DENND2A: variants seen among roughly 807,000 people sequenced by gnomAD.
DENND2A encodes the protein DENN domain-containing protein 2A.
Under a neutral mutation model 105.3 loss-of-function variants are expected in DENND2A, and 53 were observed. The ratio of observed to expected loss-of-function variants is 0.50; its 90% CI spans 0.40 to 0.63. DENND2A has a LOEUF of 0.63. Ranked by LOEUF, DENND2A falls within the 30% of genes least tolerant of loss-of-function variation. The pLI is 0.00. For missense variants in DENND2A, 1,138 were observed against 1,279.6 expected (o/e 0.89, Z 1.69); for synonymous variants, 522 against 508.4 (o/e 1.03, Z -0.36).
chr7:140,569,793 G>GTGAGGGAAGCCCAGCTGC, intron 6 of DENND2A, 55 bp from the exon 7 acceptor site: 1 of 1,299,144 alleles, frequency 7.7e-7, no homozygotes. Context: ...CTCTGTGGCA[G>GTGAGGGAAGCCCAGCTGC]CTGGGCTTCC....
Position 140,577,753 on chromosome 7 carries a change from C to T in DENND2A, c.1246-3745G>A, listed in dbSNP as rs535746119. On this transcript the variant is annotated intron_variant, in intron 5 of 19. Coordinates refer to ENST00000496613, the MANE Select transcript of DENND2A (RefSeq NM_015689.5). ...CTTAAGGCTTTGTGGGCCATATCCT[C>T]TCTGTTAAAACTACTAAACTGTGTC... Among the ~76,000 whole-genome samples the T allele has an allele frequency of 1.9e-3, 286 of 152,260 alleles. 1 individual carries two copies. The highest frequency in any genetic ancestry group is 6.7e-3 in the African/African-American group (277 of 41,552).
chr7:140,591,708 T>TC (rs1291112970), intron 3 of DENND2A, among the ~76,000 whole-genome samples: 6,046 of 108,316 alleles, frequency 0.056, 130 homozygotes, highest in African/African-American at 0.16. Flanking sequence ...CTTCCTTCCT[T>TC]CTTTCTCTCT....
At chr7:140,611,820 T>C (rs1050886907) in intron 1 of DENND2A, among the ~76,000 whole-genome samples, 2 of 151,998 alleles carry the variant, frequency 1.3e-5, no homozygotes, top group African/African-American at 4.8e-5. Flanking sequence ...AAGGGAGAAA[T>C]TGTTCCTCGT....
chr7:140,536,413 GT>G (rs1197054203), intron 14 of DENND2A, among the ~76,000 whole-genome samples: 2 of 151,998 alleles, frequency 1.3e-5, no homozygotes, highest in Non-Finnish European at 2.9e-5. Flanking sequence ...AGTGGCTGCA[GT>G]GCATCCAAAA....
Position 140,640,567 on chromosome 7 carries a change from G to T in DENND2A, c.-311C>A. The T allele has an allele frequency of 6.6e-6, 1 of 150,384 alleles. No homozygotes were observed. Among genetic ancestry groups the T allele is most frequent in the South Asian group, 1.8e-4 (1 of 5,424 alleles). The allele number at this position is 150,384 out of a possible 1,614,324, so 9.3% of individuals were successfully genotyped here. On this transcript the variant is annotated 5_prime_UTR_variant, in exon 1 of 20. Transcript: ENST00000496613. This position sits in a 1 kb window ranked among gnomAD's most constrained non-coding sequence, Gnocchi z 4.9. ...TCTTGGGGGCTCCGGGGCGGGCCGG[G>T]ACGGCTGGCGGCGCGGCTCGGGGGC...
chr7:140,547,062 A>G (rs1181430467), intron 12 of DENND2A, 123 bp from the exon 13 acceptor site: 2 of 1,298,456 alleles, frequency 1.5e-6, no homozygotes, highest in African/African-American at 1.5e-5. Context: ...TGCTTTCCCC[A>G]TGAGGCCAAA....
In DENND2A at chr7:140,527,441, C is replaced by A; in HGVS notation, c.2382G>T (p.Trp794Cys). The A allele has an allele frequency of 6.2e-7, 1 of 1,603,798 alleles. No homozygotes were observed. Reference sequence around the variant, plus strand: ...GCAGCACCGGGATGTAGGTGTGCTGCCAGGCGAAGGGGTAGATCAGCGCCA... The same window carrying A: ...GCAGCACCGGGATGTAGGTGTGCTGACAGGCGAAGGGGTAGATCAGCGCCA... ...AMVALIYPFA[W>C]QHTYIPVLPP... is the part of the protein sequence containing the mutation. The change falls in exon 15 of 20, where the codon TGG becomes TGT. Residue 794 changes from tryptophan to cysteine, a missense_variant. By Grantham distance (215) the Trp-to-Cys change is radical. Transcript: ENST00000496613. This position sits in a 1 kb window ranked among gnomAD's most constrained non-coding sequence, Gnocchi z 4.9.
At chr7:140,639,326 A>G (rs557781543) in intron 1 of DENND2A, among the ~76,000 whole-genome samples, 4 of 151,940 alleles carry the variant, frequency 2.6e-5, no homozygotes, top group African/African-American at 9.7e-5. Context: ...CACTCCAGCC[A>G]GGGTGACAGA....
chr7:140,520,866 G>C (rs1218960893), intron 18 of DENND2A, among the ~76,000 whole-genome samples: 1 of 150,640 alleles, frequency 6.6e-6, no homozygotes, highest in Non-Finnish European at 1.5e-5. Context: ...GCTTTTTCCA[G>C]GTAGTTTTTT....
chr7:140,577,490 C>T (rs58118476), intron 5 of DENND2A, among the ~76,000 whole-genome samples: 3,242 of 151,714 alleles, frequency 0.021, 121 homozygotes, highest in African/African-American at 0.074. Flanking sequence ...CTCCACCTCG[C>T]GGGTTCAAGT....
intron 14 of DENND2A, among the ~76,000 whole-genome samples, chr7:140,534,293 C>CAGGA (rs1403503665): frequency 1.3e-5 from 2 of 151,836 alleles, no homozygotes; most frequent in Non-Finnish European, 1.5e-5. Flanking sequence ...CCATGTTGGC[C>CAGGA]TGGCTTATCT....
At position 140,573,784 on chromosome 7, in the gene DENND2A, C is replaced by T. The variant is rs755123375; in HGVS notation, c.1446+24G>A. The T allele has an allele frequency of 1.9e-6, 3 of 1,610,092 alleles. No individual in the cohort carries two copies. The South Asian group carries it at 3.3e-5, about 18-fold the overall frequency. ...AGAGAAGGGGTCATGCATACCTGAG[C>T]ATGAAGCTTGTTGCCACCATTACCT... On this transcript the variant is annotated intron_variant, in intron 6 of 19. Coordinates refer to ENST00000496613, the MANE Select transcript of DENND2A (RefSeq NM_015689.5).
intron 14 of DENND2A, among the ~76,000 whole-genome samples, chr7:140,537,129 C>G (rs1295975837): frequency 6.6e-6 from 1 of 152,158 alleles, no homozygotes; most frequent in Non-Finnish European, 1.5e-5. Flanking sequence ...ACTCATCTCC[C>G]TAGAGAGGTG....
rs375314055 is a variant in DENND2A, at chr7:140,574,410, G to A, written c.1246-402C>T. Among the ~76,000 whole-genome samples, 12 of 152,156 alleles carry A rather than the reference G, an allele frequency of 7.9e-5. No individual in the cohort carries two copies. In the East Asian group the frequency reaches 1.4e-3, roughly 17 times the overall value. ...ATTTTTCGTATTTTAGTAGAGACGAGGTTTCACCGTGTTGCCCAGGCTGGT... is the reference window on the plus strand; with the variant it reads ...ATTTTTCGTATTTTAGTAGAGACGAAGTTTCACCGTGTTGCCCAGGCTGGT... On this transcript the variant is annotated intron_variant, in intron 5 of 19. Coordinates refer to ENST00000496613, the MANE Select transcript of DENND2A (RefSeq NM_015689.5).
intron 1 of DENND2A, among the ~76,000 whole-genome samples, chr7:140,624,413 C>T (rs1800427555): frequency 2.0e-5 from 3 of 152,216 alleles, no homozygotes; most frequent in African/African-American, 7.2e-5. Flanking sequence ...AAGCGCCTGG[C>T]ACAGAGAGGC....
intron 1 of DENND2A, among the ~76,000 whole-genome samples, chr7:140,624,097 A>G (rs920953003): frequency 6.6e-6 from 1 of 152,166 alleles, no homozygotes; most frequent in Non-Finnish European, 1.5e-5. Flanking sequence ...TGACAGGAGG[A>G]ATGGGATGAT....
At chr7:140,538,425 G>C (rs1271680049) in intron 14 of DENND2A, among the ~76,000 whole-genome samples, 1 of 152,176 alleles carries the variant, frequency 6.6e-6, no homozygotes, top group Admixed American at 6.6e-5. Context: ...AGCAGGGTTG[G>C]GCATGAGTGC....
At chr7:140,627,864 C>T (rs1034608582) in intron 1 of DENND2A, among the ~76,000 whole-genome samples, 2 of 151,490 alleles carry the variant, frequency 1.3e-5, no homozygotes, top group African/African-American at 4.9e-5. Flanking sequence ...CAGAGTTTCA[C>T]TCTTGTCCTC....
intron 5 of DENND2A, among the ~76,000 whole-genome samples, chr7:140,577,554 C>T (rs970316909): frequency 6.6e-5 from 10 of 152,128 alleles, no homozygotes; most frequent in Admixed American, 2.0e-4. Context: ...AGTGCCACCA[C>T]GCCTGGCTAA....
Sources: gnomAD v4.1 joint callset for allele counts (sites outside exome capture counted in the v4.1 genomes callset) on GRCh38, gnomAD v4.1.1 for gene constraint, Gnocchi (gnomAD v3.1) non-coding constraint, MANE v1.5 for transcripts, NCBI Gene and HGNC (gene_info 2026-07-23, HGNC 2026-07-21) for gene names.